The following HMGXB4 variants were observed in gnomAD, a reference collection of about 807,000 sequenced individuals.
HMGXB4 encodes HMG-box containing 4.
In HMGXB4, 27 loss-of-function variants were observed where a neutral mutation model predicts 63.9. That is an observed-to-expected ratio of 0.42 (90% confidence interval 0.31 to 0.58). HMGXB4 has a LOEUF of 0.58. Ranked by LOEUF, HMGXB4 falls within the 20% of genes least tolerant of loss-of-function variation. The pLI is 0.13. For synonymous variants in HMGXB4, 264 were observed against 265.3 expected, an observed-to-expected ratio of 0.99 and a Z score of 0.05; for missense variants, 624 against 700.7, an observed-to-expected ratio of 0.89 and a Z score of 1.24.
At chr22:35,287,897 G>A (rs901222595) in intron 8 of HMGXB4, among the ~76,000 whole-genome samples, 8 of 151,698 alleles carry the variant, frequency 5.3e-5, no homozygotes, top group African/African-American at 1.2e-4. Context: ...GCGGTGAGCC[G>A]AGATCGTGCC....
intron 5 of HMGXB4, among the ~76,000 whole-genome samples, chr22:35,274,346 A>G (rs757662788): frequency 3.3e-5 from 5 of 152,250 alleles, no homozygotes; most frequent in Non-Finnish European, 7.3e-5. Flanking sequence ...CAGGAAGTTG[A>G]TATGACTGAA....
chr22:35,260,751 A>C (rs1922795920), intron 1 of HMGXB4, among the ~76,000 whole-genome samples: 1 of 152,210 alleles, frequency 6.6e-6, no homozygotes, highest in East Asian at 1.9e-4. Context: ...TTCTTAATCT[A>C]ATAAATCATT....
the HMGXB4 span, among the ~76,000 whole-genome samples, chr22:35,246,890 G>A: frequency 6.6e-6 from 1 of 152,186 alleles, no homozygotes; most frequent in African/African-American, 2.4e-5. Context: ...ATGACTTCTT[G>A]AGTTCCTTTT....
chr22:35,280,457 C>G (rs1431345126), intron 5 of HMGXB4, among the ~76,000 whole-genome samples: 1 of 152,154 alleles, frequency 6.6e-6, no homozygotes, highest in Non-Finnish European at 1.5e-5. Flanking sequence ...TAAATCCTGT[C>G]ACATCTTCCT....
chr22:35,248,745 C>T, the HMGXB4 span, among the ~76,000 whole-genome samples: 2 of 152,086 alleles, frequency 1.3e-5, no homozygotes, highest in Admixed American at 1.3e-4. Flanking sequence ...AGTGAACCAG[C>T]TGAAGAAAAA....
chr22:35,265,821 C>CT (rs1272574501), intron 5 of HMGXB4, among the ~76,000 whole-genome samples: 2 of 149,904 alleles, frequency 1.3e-5, no homozygotes, highest in African/African-American at 2.5e-5. Flanking sequence ...GAGTCTCGCT[C>CT]TGTCGCCCAG....
At position 35,265,323 on chromosome 22, in the gene HMGXB4, C is replaced by T. The variant is rs1355271905; in HGVS notation, c.935C>T (p.Ser312Phe). 1 of 1,613,804 alleles carries T rather than the reference C, an allele frequency of 6.2e-7. No homozygotes were observed. The highest frequency in any genetic ancestry group is 1.7e-5 in the Admixed American group (1 of 59,990). Residue 312 changes from serine (S) to phenylalanine (F), a missense_variant, in exon 5 of 11, where the codon TCT (serine) becomes TTT (phenylalanine). Physicochemically the swap from Ser to Phe is radical, Grantham distance 155. Transcript: ENST00000216106. ...GCTGGGGAGTTAGTGATAGATGATT[C>T]TTACCGAGAAATCAAGAAGAAAAAG... The part of the protein sequence containing the change: ...LEAGELVIDD[S>F]YREIKKKKKS...
chr22:35,267,821 A>G (rs754955416), intron 5 of HMGXB4, among the ~76,000 whole-genome samples: 19 of 152,166 alleles, frequency 1.2e-4, no homozygotes, highest in Non-Finnish European at 2.2e-4. Flanking sequence ...ATACCTGCCC[A>G]TCCTTTCATC....
intron 9 of HMGXB4, 113 bp downstream of exon 9, chr22:35,288,520 T>C (rs928131380): frequency 5.5e-5 from 39 of 712,506 alleles, no homozygotes; most frequent in Non-Finnish European, 8.1e-5. Flanking sequence ...TATGCTAAAT[T>C]ATGCCAGGTT....
At chr22:35,246,750 G>A in the HMGXB4 span, among the ~76,000 whole-genome samples, 2 of 152,152 alleles carry the variant, frequency 1.3e-5, no homozygotes, top group Non-Finnish European at 2.9e-5. Flanking sequence ...TGAGGTCCCC[G>A]GTTGTTCTGC....
intron 5 of HMGXB4, among the ~76,000 whole-genome samples, chr22:35,273,231 G>A (rs1221176991): frequency 2.0e-5 from 3 of 152,168 alleles, no homozygotes; most frequent in African/African-American, 7.2e-5. Flanking sequence ...GGCATTTTCC[G>A]AATGTTACCA....
At chr22:35,267,228 A>T (rs1438523814) in intron 5 of HMGXB4, among the ~76,000 whole-genome samples, 2 of 150,948 alleles carry the variant, frequency 1.3e-5, no homozygotes, top group African/African-American at 4.8e-5. Flanking sequence ...ACAAAGCTGT[A>T]CCTCTGAGCC....
chr22:35,290,971 T>C (rs1924898898), intron 9 of HMGXB4, among the ~76,000 whole-genome samples: 1 of 152,108 alleles, frequency 6.6e-6, no homozygotes, highest in Non-Finnish European at 1.5e-5. Flanking sequence ...AGTTAGAAAA[T>C]TAAGGCTAGA....
chr22:35,279,948 A>G (rs192433238), intron 5 of HMGXB4, among the ~76,000 whole-genome samples: 30 of 152,118 alleles, frequency 2.0e-4, no homozygotes, highest in Non-Finnish European at 3.8e-4. Context: ...TTCTTCATCA[A>G]TACTGCCTTG....
At chr22:35,288,176 A>AGC in intron 8 of HMGXB4, 62 bp from the exon 9 acceptor site, 1 of 1,319,266 alleles carries the variant, frequency 7.6e-7, no homozygotes, top group South Asian at 2.2e-5. Flanking sequence ...AGGAAGAACA[A>AGC]CTTTGTGTTG....
intron 1 of HMGXB4, among the ~76,000 whole-genome samples, 158 bp downstream of exon 1, chr22:35,257,715 G>A (rs1922520017): frequency 6.6e-6 from 1 of 152,212 alleles, no homozygotes; most frequent in South Asian, 2.1e-4. Flanking sequence ...GCCGGGGACT[G>A]GAGTAGCGGC....
upstream of HMGXB4, among the ~76,000 whole-genome samples, chr22:35,255,621 G>A (rs1473756882): frequency 6.6e-6 from 1 of 152,234 alleles, no homozygotes; most frequent in Admixed American, 6.5e-5. Flanking sequence ...AAAGCTAACA[G>A]AGGAGAGCAC....
the HMGXB4 span, among the ~76,000 whole-genome samples, chr22:35,244,648 C>T: frequency 6.6e-6 from 1 of 152,162 alleles, no homozygotes; most frequent in Non-Finnish European, 1.5e-5. Flanking sequence ...TTACCTTTCC[C>T]AGCATTCCAC....
At chr22:35,266,105 A>G (rs1418060918) in intron 5 of HMGXB4, among the ~76,000 whole-genome samples, 1 of 151,976 alleles carries the variant, frequency 6.6e-6, no homozygotes, top group Non-Finnish European at 1.5e-5. Context: ...TTCTTAATAG[A>G]GTTATTCTCC....
Sources: allele counts gnomAD v4.1 joint callset (sites outside exome capture counted in the v4.1 genomes callset), GRCh38; gene constraint gnomAD v4.1.1; transcripts MANE v1.5; gene names NCBI Gene and HGNC (gene_info 2026-07-23, HGNC 2026-07-21).